ALLC: variants seen among roughly 807,000 people sequenced by gnomAD.
ALLC encodes allantoicase, also known as probable inactive allantoicase.
ALLC carries 40 observed loss-of-function variants against 45.0 expected under a neutral mutation model. That is an observed-to-expected ratio of 0.89 (90% CI 0.69 to 1.16). ALLC has a LOEUF of 1.16. ALLC is among the 50% of genes most tolerant of loss of function. The pLI is 0.00. For synonymous variants in ALLC, 176 were observed against 178.1 expected (o/e 0.99, Z 0.09); for missense variants, 488 against 493.1 (o/e 0.99, Z 0.10).
chr2:3,672,617 A>G (rs111657880), intron 2 of ALLC, among the ~76,000 whole-genome samples: 3,129 of 67,806 alleles, frequency 0.046, 36 homozygotes, highest in African/African-American at 0.061. Flanking sequence ...CTGGTTAGAT[A>G]GGAGGTCCTC....
At chr2:3,662,894 G>T (rs1212077140) in intron 1 of ALLC, among the ~76,000 whole-genome samples, 1 of 152,232 alleles carries the variant, frequency 6.6e-6, no homozygotes, top group Non-Finnish European at 1.5e-5. Context: ...GACCTGCAAA[G>T]TGTTTATTAC....
the ALLC span, among the ~76,000 whole-genome samples, chr2:3,647,123 T>A: frequency 6.6e-6 from 1 of 152,134 alleles, no homozygotes; most frequent in African/African-American, 2.4e-5. Flanking sequence ...CCTTGAAATA[T>A]AGGGCCCCAG....
At chr2:3,694,565 C>T (rs536095423) in intron 7 of ALLC, 13 of 152,280 alleles carry the variant, frequency 8.5e-5, no homozygotes, top group South Asian at 4.1e-4. Context: ...TTTCAACAGA[C>T]GAATATCTTC....
At chr2:3,681,787 GC>G in intron 6 of ALLC, 74 bp downstream of exon 6, 19 of 1,195,428 alleles carry the variant, frequency 1.6e-5, no homozygotes, top group Non-Finnish European at 1.9e-5. Context: ...TGCACACCTG[GC>G]TGTGCAAGGC....
At chr2:3,679,473 A>G (rs763557664) in intron 4 of ALLC, among the ~76,000 whole-genome samples, 2 of 152,176 alleles carry the variant, frequency 1.3e-5, no homozygotes, top group East Asian at 1.9e-4. Flanking sequence ...TGCTTTCTAC[A>G]TCGCACACTC....
chr2:3,676,075 A>G (rs1429170870), intron 3 of ALLC, among the ~76,000 whole-genome samples: 1 of 152,216 alleles, frequency 6.6e-6, no homozygotes. Flanking sequence ...ATCACCTCCC[A>G]AAGTCCTCAT....
At position 3,666,341 on chromosome 2, in the gene ALLC, C is replaced by T. The variant is rs542141838; in HGVS notation, c.-62-4755C>T. On this transcript the variant is annotated intron_variant, in intron 1 of 11. Transcript: ENST00000252505. ...TATCCAGTGTTTTGTAGTGACTTAG[C>T]GTATCACACAGTCGGCAAGCCTCTG... is the stretch of plus-strand genomic sequence containing the variant. Among the ~76,000 whole-genome samples, 6 of 152,354 alleles carry T rather than the reference C, an allele frequency of 3.9e-5. 1 individual carries two copies. The East Asian group carries it at 1.2e-3, about 29-fold the overall frequency.
intron 1 of ALLC, among the ~76,000 whole-genome samples, chr2:3,667,644 C>T (rs895695507): frequency 2.0e-5 from 3 of 152,192 alleles, no homozygotes; most frequent in Admixed American, 6.5e-5. Context: ...GTATGAACAG[C>T]GCACGACATT....
In ALLC at chr2:3,672,539, A is replaced by C. The variant is rs111399053; in HGVS notation, c.33+1349A>C. On this transcript the variant is annotated intron_variant, in intron 2 of 11. Coordinates refer to ENST00000252505, the MANE Select transcript of ALLC (RefSeq NM_018436.4). ...GGAGGTCCTCTGGGTCTGGTTAGAT[A>C]GGAGGTCCTCTGGTTCTGGTTAGAT... is the stretch of plus-strand genomic sequence containing the variant. 1.0e-3 allele frequency among the ~76,000 whole-genome samples: 91 copies of C among 87,202 alleles called. 1 individual carries two copies. The highest frequency in any genetic ancestry group is 4.2e-3 in the African/African-American group (86 of 20,248). The allele number at this position is 87,202 out of a possible 152,430, so 57.2% of individuals were successfully genotyped here.
At chr2:3,696,763 C>G (rs1417753813) in intron 9 of ALLC, among the ~76,000 whole-genome samples, 1 of 152,158 alleles carries the variant, frequency 6.6e-6, no homozygotes, top group Non-Finnish European at 1.5e-5. Flanking sequence ...AGAGTCCATG[C>G]AGCTGTTTAA....
chr2:3,668,915 C>T (rs192007064), intron 1 of ALLC, among the ~76,000 whole-genome samples: 1 of 152,016 alleles, frequency 6.6e-6, no homozygotes, highest in Non-Finnish European at 1.5e-5. Flanking sequence ...CAAACATACC[C>T]CAGGTGGGTA....
At chr2:3,667,351 G>A (rs1441440326) in intron 1 of ALLC, among the ~76,000 whole-genome samples, 8 of 152,230 alleles carry the variant, frequency 5.3e-5, no homozygotes, top group Non-Finnish European at 1.0e-4. Flanking sequence ...CATGGCGTCT[G>A]TGCATCTGGG....
At chr2:3,646,712 A>G in the ALLC span, among the ~76,000 whole-genome samples, 1 of 152,136 alleles carries the variant, frequency 6.6e-6, no homozygotes, top group Non-Finnish European at 1.5e-5. Flanking sequence ...ACTGGTGCGT[A>G]TATCCTTCTG....
rs558130349 is a variant in ALLC, at chr2:3,673,724, C to T, written c.34-351C>T. ...ACAGAGGCCCCAACCGCATACGTAA[C>T]CCAGAGCTTTTTTGGTCATTGCTCG... On this transcript the variant is annotated intron_variant, in intron 2 of 11. Transcript: ENST00000252505. 5.3e-5 allele frequency among the ~76,000 whole-genome samples: 8 copies of T among 152,334 alleles called. No homozygotes were observed. In the East Asian group the frequency reaches 1.5e-3, roughly 29 times the overall value.
intron 10 of ALLC, 78 bp downstream of exon 10, chr2:3,697,534 G>C: frequency 1.7e-6 from 2 of 1,171,254 alleles, no homozygotes; most frequent in Non-Finnish European, 2.5e-6. Context: ...AAGTGGGACT[G>C]AGGACACTGG....
chr2:3,695,964 G>A (rs1366428735), intron 8 of ALLC, 92 bp downstream of exon 8: 4 of 1,323,144 alleles, frequency 3.0e-6, no homozygotes, highest in Non-Finnish European at 4.1e-6. Context: ...AAAAGGAAAG[G>A]CACATCTCAA....
At chr2:3,670,564 C>T (rs529792225) in intron 1 of ALLC, among the ~76,000 whole-genome samples, 1 of 152,320 alleles carries the variant, frequency 6.6e-6, no homozygotes, top group Admixed American at 6.5e-5. Flanking sequence ...CTCGCTGGCC[C>T]CGTCTCTGTG....
chr2:3,668,566 C>CTTTTT lies in ALLC; in HGVS notation c.-62-2507_-62-2503dup, dbSNP rs1173613810. Among the ~76,000 whole-genome samples the CTTTTT allele has an allele frequency of 6.2e-3, 449 of 71,886 alleles. 97 individuals carry two copies. Among genetic ancestry groups the CTTTTT allele is most frequent in the African/African-American group, 0.024 (322 of 13,666 alleles). 47.2% of individuals were successfully genotyped at this position (71,886 alleles called of 152,430 possible). On this transcript the variant is annotated intron_variant, in intron 1 of 11. Transcript: ENST00000252505. Reference sequence around the variant, plus strand: ...TGTGTAATATGCATAATGTGTATGACTTTTTTTTTTTTTTTTTTTTTTTTT... The same window carrying CTTTTT: ...TGTGTAATATGCATAATGTGTATGACTTTTTTTTTTTTTTTTTTTTTTTTTTTTTT...
chr2:3,653,089 T>A, the ALLC span, among the ~76,000 whole-genome samples: 10 of 152,182 alleles, frequency 6.6e-5, no homozygotes, highest in Non-Finnish European at 8.8e-5. The surrounding 1 kb of genome is among the most constrained non-coding windows in gnomAD (Gnocchi z 4.1). Context: ...TTCAAGTAAC[T>A]GGCCTGAACA....
Sources: allele counts gnomAD v4.1 joint callset (sites outside exome capture counted in the v4.1 genomes callset), GRCh38; gene constraint gnomAD v4.1.1; non-coding constraint Gnocchi (gnomAD v3.1); transcripts MANE v1.5; gene names NCBI Gene and HGNC (gene_info 2026-07-23, HGNC 2026-07-21).